XIRP2: variants seen among roughly 807,000 people sequenced by gnomAD.
XIRP2 encodes xin actin binding repeat containing 2.
A neutral mutation model predicts 277.0 loss-of-function variants in XIRP2; 236 were observed. That is an observed-to-expected ratio of 0.85 (90% CI 0.77 to 0.95). XIRP2 has a LOEUF of 0.95. Ranked by LOEUF, XIRP2 falls within the 40% of genes least tolerant of loss-of-function variation. XIRP2 has a pLI of 0.00. For missense variants in XIRP2, 4,640 were observed against 4,157.5 expected, an observed-to-expected ratio of 1.12 and a Z score of -3.19; for synonymous variants, 1,490 against 1,416.5, an observed-to-expected ratio of 1.05 and a Z score of -1.17.
At chr2:166,907,347 A>C (rs1383103388) in intron 2 of XIRP2, among the ~76,000 whole-genome samples, 1 of 152,220 alleles carries the variant, frequency 6.6e-6, no homozygotes, top group African/African-American at 2.4e-5. Context: ...CCTTGTTATT[A>C]TGTAATTTGT....
rs368959237 is a variant in XIRP2, at chr2:167,100,635, C to T, written c.409-35274C>T. Among the ~76,000 whole-genome samples, 7 of 152,260 alleles carry T rather than the reference C, an allele frequency of 4.6e-5. No individual in the cohort carries two copies. The South Asian group carries it at 1.2e-3, about 27-fold the overall frequency. ...CTCACCTGGGACTAAGCATATGTTG[C>T]GTAGAATTGTCATTTGTCTTTCTAG... On this transcript the variant is annotated intron_variant, in intron 2 of 10. Transcript: ENST00000409195.
At chr2:167,094,652 C>G (rs1690245052) in intron 2 of XIRP2, among the ~76,000 whole-genome samples, 1 of 152,048 alleles carries the variant, frequency 6.6e-6, no homozygotes, top group Non-Finnish European at 1.5e-5. Flanking sequence ...TTTCTGAGGC[C>G]TCTGTTCTGT....
In XIRP2 at chr2:167,247,384, A is replaced by G; in HGVS notation, c.5992A>G (p.Ser1998Gly). 6.2e-7 allele frequency: 1 copy of G among 1,613,804 alleles called. No homozygotes were observed. The highest frequency in any genetic ancestry group is 8.5e-7 in the Non-Finnish European group (1 of 1,179,812). Residue 1998 changes from serine to glycine, a missense_variant, in exon 9 of 11, where the codon AGT becomes GGT. By Grantham distance (56) the Ser-to-Gly change is moderately conservative. Coordinates refer to ENST00000409195, the MANE Select transcript of XIRP2 (RefSeq NM_152381.6). ...AKWQGGADTL[S>G]QTMGKSCHGN... ...GTGGCAAGGGGGAGCAGATACTCTC[A>G]GTCAAACTATGGGGAAATCTTGCCA...
At chr2:166,970,037 G>A (rs1019738155) in intron 2 of XIRP2, among the ~76,000 whole-genome samples, 1 of 151,980 alleles carries the variant, frequency 6.6e-6, no homozygotes, top group Non-Finnish European at 1.5e-5. Flanking sequence ...GAACCAATCT[G>A]CCCACATAAT....
At chr2:167,002,792 A>C (rs1687406215) in intron 2 of XIRP2, among the ~76,000 whole-genome samples, 1 of 152,060 alleles carries the variant, frequency 6.6e-6, no homozygotes, top group African/African-American at 2.4e-5. Flanking sequence ...AAGAAAAATT[A>C]ATTGGCATTG....
chr2:167,061,634 G>A (rs892525528), intron 2 of XIRP2, among the ~76,000 whole-genome samples: 1 of 151,884 alleles, frequency 6.6e-6, no homozygotes, highest in African/African-American at 2.4e-5. Context: ...AAGTCATACT[G>A]GATTAGAGTA....
chr2:167,000,280 A>C (rs962687093), intron 2 of XIRP2, among the ~76,000 whole-genome samples: 1 of 152,170 alleles, frequency 6.6e-6, no homozygotes, highest in Non-Finnish European at 1.5e-5. Flanking sequence ...AGATCCAAAA[A>C]GGCCCACACA....
At chr2:167,240,241 G>C (rs1229767819) in intron 6 of XIRP2, among the ~76,000 whole-genome samples, 1 of 151,970 alleles carries the variant, frequency 6.6e-6, no homozygotes, top group East Asian at 1.9e-4. Flanking sequence ...GTGAAACCCT[G>C]TCTCTACTAA....
chr2:167,021,876 C>G lies in XIRP2; in HGVS notation c.409-114033C>G, dbSNP rs113183252. ...CGTTATAAAAATAATTTGATTACTT[C>G]TTATATGAATAAATCTGTACAAATT... On this transcript the variant is annotated intron_variant, in intron 2 of 10. Transcript: ENST00000409195. Among the ~76,000 whole-genome samples the G allele has an allele frequency of 7.5e-4, 114 of 152,110 alleles. 1 individual carries two copies. The highest frequency in any genetic ancestry group is 2.7e-3 in the African/African-American group (112 of 41,522).
At chr2:167,209,390 A>G (rs1573960178) in intron 3 of XIRP2, among the ~76,000 whole-genome samples, 1 of 152,258 alleles carries the variant, frequency 6.6e-6, no homozygotes, top group East Asian at 1.9e-4. Flanking sequence ...ATTCAATAAG[A>G]TGGTTCAACA....
chr2:167,177,871 T>C (rs898925725), intron 3 of XIRP2, among the ~76,000 whole-genome samples: 6 of 152,248 alleles, frequency 3.9e-5, no homozygotes, highest in Admixed American at 2.0e-4. Flanking sequence ...TTTGAGATTA[T>C]TGATTGCATC....
At chr2:167,240,602 T>A in intron 6 of XIRP2, 62 bp from the exon 7 acceptor site, 1 of 1,384,666 alleles carries the variant, frequency 7.2e-7, no homozygotes, top group South Asian at 1.2e-5. Context: ...GAGTATTATT[T>A]GTAGTACTAA....
intron 2 of XIRP2, among the ~76,000 whole-genome samples, chr2:166,939,365 T>G (rs952605524): frequency 1.5e-4 from 23 of 151,842 alleles, no homozygotes; most frequent in African/African-American, 2.2e-4. Flanking sequence ...TAGTTTGGCT[T>G]GATATGAAAT....
chr2:166,981,426 C>CT (rs35594771), intron 2 of XIRP2, among the ~76,000 whole-genome samples: 6,798 of 144,700 alleles, frequency 0.047, 268 homozygotes, highest in East Asian at 0.24. Context: ...TGCTCTTCTT[C>CT]TTTTTTTTTT....
chr2:167,076,076 A>C (rs571740128), intron 2 of XIRP2, among the ~76,000 whole-genome samples: 1 of 152,262 alleles, frequency 6.6e-6, no homozygotes, highest in Non-Finnish European at 1.5e-5. Context: ...CTGGAGTACA[A>C]ACTTCATAAT....
intron 2 of XIRP2, among the ~76,000 whole-genome samples, chr2:166,925,166 C>T (rs932249735): frequency 3.9e-5 from 6 of 152,024 alleles, no homozygotes; most frequent in African/African-American, 7.2e-5. Context: ...TGTCAACCTA[C>T]AATCAGTATT....
At position 167,248,794 on chromosome 2, in the gene XIRP2, G is replaced by A. The variant is rs540282598; in HGVS notation, c.7402G>A (p.Val2468Met). Reference protein sequence around the residue: ...TTSKDQKKVMVMTSSEHTETK... With the variant: ...TTSKDQKKVMMMTSSEHTETK... Reference sequence around the variant, plus strand: ...CTCAAAGGATCAGAAAAAAGTAATGGTGATGACCAGCAGTGAACACACGGA... The same window carrying A: ...CTCAAAGGATCAGAAAAAAGTAATGATGATGACCAGCAGTGAACACACGGA... Residue 2468 changes from valine (V) to methionine (M), a missense_variant, in exon 9 of 11, where the codon GTG (valine) becomes ATG (methionine). Physicochemically the swap from Val to Met is conservative, Grantham distance 21 (BLOSUM62 1). Coordinates refer to ENST00000409195, the MANE Select transcript of XIRP2 (RefSeq NM_152381.6). The A allele has an allele frequency of 9.3e-6, 15 of 1,613,660 alleles. No homozygotes were observed. The Admixed American group carries it at 1.7e-4, about 18-fold the overall frequency.
chr2:167,135,069 A>T (rs1026072345), intron 2 of XIRP2, among the ~76,000 whole-genome samples: 3 of 152,158 alleles, frequency 2.0e-5, no homozygotes, highest in Admixed American at 2.0e-4. Context: ...CCTGTATGAA[A>T]ATCTTTAACT....
chr2:167,149,184 T>G (rs544352219), intron 3 of XIRP2, among the ~76,000 whole-genome samples: 72 of 152,302 alleles, frequency 4.7e-4, no homozygotes, highest in African/African-American at 1.6e-3. Flanking sequence ...AATTCAAGTT[T>G]GAGACCCAAA....
Sources: allele counts gnomAD v4.1 joint callset (sites outside exome capture counted in the v4.1 genomes callset), GRCh38; gene constraint gnomAD v4.1.1; transcripts MANE v1.5; gene names NCBI Gene and HGNC (gene_info 2026-07-23, HGNC 2026-07-21).